The following KCTD3 variants were observed in gnomAD, a reference collection of about 807,000 sequenced individuals.
KCTD3 encodes BTB/POZ domain-containing protein KCTD3.
Under a neutral mutation model 85.8 loss-of-function variants are expected in KCTD3, and 41 were observed. The observed-to-expected ratio is 0.48, with a 90% CI of 0.37 to 0.62. KCTD3 has a LOEUF of 0.62. KCTD3 is among the 20% of genes least tolerant of loss of function. The pLI, the probability that KCTD3 is intolerant of heterozygous loss-of-function variation, is 0.00. For missense variants in KCTD3, 724 were observed against 989.9 expected (o/e 0.73, Z 3.60); for synonymous variants, 338 against 345.4 (o/e 0.98, Z 0.24).
chr1:215,597,229 T>TAA (rs796145475), intron 10 of KCTD3, among the ~76,000 whole-genome samples: 30 of 133,778 alleles, frequency 2.2e-4, no homozygotes, highest in East Asian at 6.3e-4. Context: ...GTAAGAAAAG[T>TAA]AAAAAAAAAA....
intron 9 of KCTD3, among the ~76,000 whole-genome samples, chr1:215,589,504 T>C (rs909000969): frequency 6.6e-6 from 1 of 152,164 alleles, no homozygotes; most frequent in African/African-American, 2.4e-5. Flanking sequence ...ATAGATACTA[T>C]GCAAAAATGT....
chr1:215,611,419 GTGT>G (rs1218941013), intron 14 of KCTD3, among the ~76,000 whole-genome samples: 1 of 151,886 alleles, frequency 6.6e-6, no homozygotes, highest in Non-Finnish European at 1.5e-5. Context: ...AAGATTTTGT[GTGT>G]TGTCTTCTAA....
chr1:215,612,895 A>G (rs1019755481), intron 15 of KCTD3, among the ~76,000 whole-genome samples: 1 of 152,164 alleles, frequency 6.6e-6, no homozygotes, highest in Non-Finnish European at 1.5e-5. Flanking sequence ...TTTTGCTTCA[A>G]CATTCCTCTG....
intron 15 of KCTD3, among the ~76,000 whole-genome samples, chr1:215,613,484 G>A (rs1655308311): frequency 6.6e-6 from 1 of 152,136 alleles, no homozygotes; most frequent in Non-Finnish European, 1.5e-5. Context: ...CTTTTGTGGT[G>A]CAAGTGCTCT....
At chr1:215,577,316 A>G (rs1214863308) in intron 4 of KCTD3, among the ~76,000 whole-genome samples, 2 of 152,152 alleles carry the variant, frequency 1.3e-5, no homozygotes, top group Non-Finnish European at 2.9e-5. Context: ...TGCGATAAAA[A>G]GTTAAAAGCA....
At chr1:215,587,097 G>T (rs1660036631) in intron 9 of KCTD3, among the ~76,000 whole-genome samples, 1 of 151,832 alleles carries the variant, frequency 6.6e-6, no homozygotes, top group African/African-American at 2.4e-5. Flanking sequence ...AAGTTACTCA[G>T]GACCTGAAAG....
intron 9 of KCTD3, among the ~76,000 whole-genome samples, chr1:215,594,137 G>A (rs1660323667): frequency 6.6e-6 from 1 of 152,136 alleles, no homozygotes; most frequent in African/African-American, 2.4e-5. Flanking sequence ...TGGGATTGCA[G>A]GCATGAGCCA....
intron 10 of KCTD3, among the ~76,000 whole-genome samples, chr1:215,597,356 A>T (rs1217979889): frequency 6.6e-6 from 1 of 152,168 alleles, no homozygotes; most frequent in African/African-American, 2.4e-5. Flanking sequence ...GTATTGTCAA[A>T]TAGGTAGCCT....
chr1:215,572,544 C>T (rs1464203162), intron 1 of KCTD3, among the ~76,000 whole-genome samples: 1 of 152,050 alleles, frequency 6.6e-6, no homozygotes, highest in African/African-American at 2.4e-5. Flanking sequence ...TTTAATAGCC[C>T]ACTTAGAAGA....
In KCTD3 at chr1:215,612,990, G is replaced by A. The variant is rs149070921; in HGVS notation, c.1562+1069G>A. 1.8e-4 allele frequency among the ~76,000 whole-genome samples: 28 copies of A among 152,234 alleles called. No homozygotes were observed. In the South Asian group the frequency reaches 3.3e-3, roughly 18 times the overall value. On this transcript the variant is annotated intron_variant, in intron 15 of 17. Coordinates refer to ENST00000259154, the MANE Select transcript of KCTD3 (RefSeq NM_016121.5). ...AACAAGGAGCCTGTTGGGGGTGAGC[G>A]GGGCCGGGGAGAGAGAGAGCATCAG... is the stretch of plus-strand genomic sequence containing the variant.
At chr1:215,578,375 T>C (rs1659669630) in intron 6 of KCTD3, among the ~76,000 whole-genome samples, 2 of 152,236 alleles carry the variant, frequency 1.3e-5, no homozygotes, top group South Asian at 4.1e-4. Context: ...CTGTAACCAC[T>C]ACAACTTTAT....
At chr1:215,608,688 G>A (rs1013934938) in intron 14 of KCTD3, among the ~76,000 whole-genome samples, 1 of 151,568 alleles carries the variant, frequency 6.6e-6, no homozygotes, top group African/African-American at 2.4e-5. Flanking sequence ...ATACATACGT[G>A]TGCACATGGG....
intron 10 of KCTD3, among the ~76,000 whole-genome samples, chr1:215,595,887 T>C (rs1199722035): frequency 6.6e-6 from 1 of 152,162 alleles, no homozygotes; most frequent in Non-Finnish European, 1.5e-5. Context: ...AATACCTGAT[T>C]CTTAAAGGAA....
At chr1:215,584,766 G>GT (rs1463822862) in intron 8 of KCTD3, among the ~76,000 whole-genome samples, 1 of 152,072 alleles carries the variant, frequency 6.6e-6, no homozygotes, top group Non-Finnish European at 1.5e-5. Flanking sequence ...AAAATAACCA[G>GT]TTTCTCCAAT....
intron 14 of KCTD3, among the ~76,000 whole-genome samples, chr1:215,609,644 A>G (rs1436788065): frequency 1.3e-5 from 2 of 151,934 alleles, no homozygotes; most frequent in African/African-American, 2.4e-5. Context: ...ACCAAAGTGC[A>G]TGGTGGTCAT....
intron 1 of KCTD3, 81 bp from the exon 2 acceptor site, chr1:215,573,701 TAGCC>T (rs1446082084): frequency 1.4e-6 from 1 of 739,984 alleles, no homozygotes; most frequent in African/African-American, 1.8e-5. Context: ...TGTAAATCAT[TAGCC>T]AGTGTATTAA....
intron 13 of KCTD3, among the ~76,000 whole-genome samples, chr1:215,607,771 T>C (rs1042175386): frequency 1.3e-5 from 2 of 151,996 alleles, no homozygotes; most frequent in Non-Finnish European, 2.9e-5. Flanking sequence ...TTTACTACAT[T>C]TATAACCTAC....
intron 17 of KCTD3, 21 bp downstream of exon 17, chr1:215,619,312 T>C (rs759187293): frequency 1.3e-4 from 201 of 1,588,112 alleles, no homozygotes; most frequent in Non-Finnish European, 1.7e-4. Context: ...GAGTTGGGTA[T>C]TATAAACAAA....
At position 215,579,891 on chromosome 1, in the gene KCTD3, T is replaced by G; in HGVS notation, c.536-18T>G. On this transcript the variant is annotated intron_variant, in intron 7 of 17. Transcript: ENST00000259154. The stretch of plus-strand genomic sequence containing the variant: ...CCCGGTTTAGAATGTAAAATATTTC[T>G]TTTTCCAAAATCAACAGGATTTCCT... The G allele has an allele frequency of 1.3e-6, 2 of 1,586,736 alleles. No homozygotes were observed. Among genetic ancestry groups the G allele is most frequent in the Non-Finnish European group, 1.7e-6 (2 of 1,155,524 alleles).
Sources: allele counts gnomAD v4.1 joint callset (sites outside exome capture counted in the v4.1 genomes callset), GRCh38; gene constraint gnomAD v4.1.1; transcripts MANE v1.5; gene names NCBI Gene and HGNC (gene_info 2026-07-23, HGNC 2026-07-21).